JARID2: variants seen among roughly 807,000 people sequenced by gnomAD.
JARID2 encodes the protein protein Jumonji.
JARID2 carries 21 observed loss-of-function variants against 125.6 expected under a neutral mutation model. That is an observed-to-expected ratio of 0.17 (90% CI 0.12 to 0.24). The LOEUF (loss-of-function observed/expected upper bound fraction) is 0.24. Ranked by LOEUF, JARID2 falls within the 10% of genes least tolerant of loss-of-function variation. The pLI is 1.00. For missense variants in JARID2, 1,303 were observed against 1,639.6 expected, an observed-to-expected ratio of 0.79 and a Z score of 3.55; for synonymous variants, 736 against 661.6, an observed-to-expected ratio of 1.11 and a Z score of -1.73.
chr6:15,361,363 C>T (rs1156356580), intron 1 of JARID2, among the ~76,000 whole-genome samples: 1 of 152,166 alleles, frequency 6.6e-6, no homozygotes, highest in Non-Finnish European at 1.5e-5. Flanking sequence ...CTTCTTTGCT[C>T]CGAAGTCTCC....
At chr6:15,283,872 A>T (rs1337799733) in intron 1 of JARID2, among the ~76,000 whole-genome samples, 1 of 151,048 alleles carries the variant, frequency 6.6e-6, no homozygotes, top group Non-Finnish European at 1.5e-5. Flanking sequence ...TGCCCGGCTA[A>T]TTTTTTTTGA....
rs190498344 is a variant in JARID2 at position 15,489,798 on chromosome 6, C to T, written c.906+2256C>T. Among the ~76,000 whole-genome samples the T allele has an allele frequency of 1.0e-3, 153 of 152,290 alleles. No individual in the cohort carries two copies. The East Asian group carries it at 0.011, about 11-fold the overall frequency. On this transcript the variant is annotated intron_variant, in intron 6 of 17. Transcript: ENST00000341776. ...CTCAGGGTAGAGTCCTTGCAGGGAG[C>T]GCCATGTGCTCATGCAGGGCATCCT...
At chr6:15,325,284 G>A (rs1020935651) in intron 1 of JARID2, among the ~76,000 whole-genome samples, 5 of 152,078 alleles carry the variant, frequency 3.3e-5, no homozygotes, top group African/African-American at 4.8e-5. Flanking sequence ...CTGTGTGTGT[G>A]CACACACACA....
chr6:15,497,350 G>A (rs1770499123), intron 7 of JARID2, among the ~76,000 whole-genome samples, 180 bp downstream of exon 7: 3 of 152,198 alleles, frequency 2.0e-5, no homozygotes, highest in African/African-American at 4.8e-5. Context: ...GGTCCTGGGC[G>A]TTGGTGGCAG....
intron 1 of JARID2, among the ~76,000 whole-genome samples, chr6:15,279,502 T>C (rs1760670781): frequency 6.6e-6 from 1 of 152,232 alleles, no homozygotes; most frequent in South Asian, 2.1e-4. Flanking sequence ...CGTGGAAGTA[T>C]GTGCCCAGGT....
chr6:15,275,655 G>A (rs1006441439), intron 1 of JARID2, among the ~76,000 whole-genome samples: 3 of 151,200 alleles, frequency 2.0e-5, no homozygotes, highest in Admixed American at 6.6e-5. Context: ...TGATTATGGC[G>A]TTACATTATT....
chr6:15,487,568 T>C, intron 6 of JARID2, 26 bp downstream of exon 6: 1 of 1,542,794 alleles, frequency 6.5e-7, no homozygotes, highest in East Asian at 2.3e-5. Flanking sequence ...GGTGCCTACA[T>C]GTGTGCCAGA....
At chr6:15,420,932 C>T (rs1288523776) in intron 3 of JARID2, among the ~76,000 whole-genome samples, 1 of 152,196 alleles carries the variant, frequency 6.6e-6, no homozygotes, top group Non-Finnish European at 1.5e-5. Flanking sequence ...CCTGCTAATC[C>T]TTTCTGGAAA....
intron 2 of JARID2, among the ~76,000 whole-genome samples, chr6:15,396,085 A>G (rs1019312714): frequency 2.6e-5 from 4 of 152,228 alleles, no homozygotes; most frequent in African/African-American, 7.2e-5. Context: ...TATTCTGAAA[A>G]AGGTTGATCA....
chr6:15,417,474 A>G (rs1766283070), intron 3 of JARID2, among the ~76,000 whole-genome samples: 1 of 152,224 alleles, frequency 6.6e-6, no homozygotes, highest in Non-Finnish European at 1.5e-5. Context: ...GCAATGGCTC[A>G]CACCTATAAC....
chr6:15,517,590 C>T (rs754492332), intron 17 of JARID2, among the ~76,000 whole-genome samples: 1 of 152,210 alleles, frequency 6.6e-6, no homozygotes, highest in Admixed American at 6.5e-5. Flanking sequence ...GTGACCTGTC[C>T]CAGGCACAGT....
At chr6:15,267,308 G>A (rs1760123235) in intron 1 of JARID2, among the ~76,000 whole-genome samples, 1 of 152,082 alleles carries the variant, frequency 6.6e-6, no homozygotes, top group South Asian at 2.1e-4. Context: ...GACAGAGTGA[G>A]GCCTTTCCTT....
chr6:15,399,057 G>A (rs989383724), intron 2 of JARID2, among the ~76,000 whole-genome samples: 2 of 152,150 alleles, frequency 1.3e-5, no homozygotes, highest in African/African-American at 2.4e-5. Flanking sequence ...GTCATCCCCC[G>A]AATGTCCTTT....
intron 1 of JARID2, among the ~76,000 whole-genome samples, chr6:15,297,481 C>T (rs1761456735): frequency 6.6e-6 from 1 of 151,170 alleles, no homozygotes; most frequent in South Asian, 2.1e-4. Context: ...CCTCCACATA[C>T]AGCACTCTTT....
intron 1 of JARID2, among the ~76,000 whole-genome samples, chr6:15,325,089 A>AT (rs938215666): frequency 2.6e-5 from 4 of 151,852 alleles, no homozygotes; most frequent in South Asian, 2.1e-4. Context: ...TCAAAACTTG[A>AT]TTTTTTTAAC....
At chr6:15,362,252 A>G (rs887462958) in intron 1 of JARID2, among the ~76,000 whole-genome samples, 25 of 152,132 alleles carry the variant, frequency 1.6e-4, no homozygotes, top group East Asian at 1.2e-3. Context: ...GTCTTCTCTC[A>G]GGGTTACATA....
At chr6:15,268,884 A>G (rs1760191267) in intron 1 of JARID2, among the ~76,000 whole-genome samples, 1 of 152,228 alleles carries the variant, frequency 6.6e-6, no homozygotes, top group African/African-American at 2.4e-5. Flanking sequence ...CAGAAGTGGA[A>G]GCCAAGTTTA....
intron 1 of JARID2, among the ~76,000 whole-genome samples, chr6:15,295,123 C>CTTTTTTT (rs60419870): frequency 7.7e-6 from 1 of 129,458 alleles, no homozygotes; most frequent in African/African-American, 2.9e-5. Context: ...TTTTTTCTTT[C>CTTTTTTT]TTTTTTTTTT....
chr6:15,402,285 G>A (rs1414809006), intron 2 of JARID2, among the ~76,000 whole-genome samples: 1 of 152,162 alleles, frequency 6.6e-6, no homozygotes, highest in African/African-American at 2.4e-5. Context: ...TATCTTTGGA[G>A]AGCCTGGCTC....
Sources: allele counts gnomAD v4.1 joint callset (sites outside exome capture counted in the v4.1 genomes callset), GRCh38; gene constraint gnomAD v4.1.1; transcripts MANE v1.5; gene names NCBI Gene and HGNC (gene_info 2026-07-23, HGNC 2026-07-21).